ADGRL2: variants seen among roughly 807,000 people sequenced by gnomAD.
ADGRL2 encodes calcium-independent alpha-latrotoxin receptor 2.
ADGRL2 carries 44 observed loss-of-function variants against 157.4 expected under a neutral mutation model. The observed-to-expected ratio is 0.28, with a 90% confidence interval of 0.22 to 0.36. ADGRL2 has a LOEUF of 0.36. ADGRL2 is among the 10% of genes least tolerant of loss of function. The pLI, the probability that ADGRL2 is intolerant of heterozygous loss-of-function variation, is 1.00. For synonymous variants in ADGRL2, 585 were observed against 624.7 expected, an observed-to-expected ratio of 0.94 and a Z score of 0.95; for missense variants, 1,510 against 1,768.9, an observed-to-expected ratio of 0.85 and a Z score of 2.63.
rs376301774 is a variant in ADGRL2, at chr1:81,326,853, C to G, written c.-302+20344C>G. ...AGAAATAATCAGATATGTTTTAAAT[C>G]AGCTAGGAGATAAACTGATCGATTT... On this transcript the variant is annotated intron_variant, in intron 1 of 24. Transcript: ENST00000370721. 1.6e-4 allele frequency among the ~76,000 whole-genome samples: 25 copies of G among 152,302 alleles called. No individual in the cohort carries two copies. The South Asian group carries it at 5.0e-3, about 30-fold the overall frequency.
chr1:81,824,278 A>C (rs2091265885), intron 1 of ADGRL2, among the ~76,000 whole-genome samples: 1 of 152,154 alleles, frequency 6.6e-6, no homozygotes, highest in South Asian at 2.1e-4. Context: ...CATTTTATTT[A>C]TTCATTTATT....
At chr1:81,327,441 C>A (rs898646183) in intron 1 of ADGRL2, among the ~76,000 whole-genome samples, 1 of 152,128 alleles carries the variant, frequency 6.6e-6, no homozygotes, top group African/African-American at 2.4e-5. Flanking sequence ...GCAGTCTGTG[C>A]CAGAAACTGA....
chr1:81,379,041 A>G (rs1348229181), intron 1 of ADGRL2, among the ~76,000 whole-genome samples: 4 of 152,168 alleles, frequency 2.6e-5, no homozygotes, highest in Non-Finnish European at 4.4e-5. Flanking sequence ...AAGGAAATCT[A>G]TCATGTTTGC....
rs1252975673 is a variant in ADGRL2, at chr1:81,723,821, AAGG to A, written c.-143+24014_-143+24016del. 6.3e-3 allele frequency among the ~76,000 whole-genome samples: 949 copies of A among 150,858 alleles called. 8 individuals are homozygous for A. Among genetic ancestry groups the A allele is most frequent in the African/African-American group, 0.022 (901 of 41,270 alleles). The stretch of plus-strand genomic sequence containing the variant: ...TGCCCTTAAATCTCACCCTGTGGTG[AAGG>A]GATTTTTTTTTGTAATGCTGCAGTA... On this transcript the variant is annotated intron_variant, in intron 1 of 20. Transcript: ENST00000359929.
At chr1:81,580,318 T>C (rs2080881462) in intron 2 of ADGRL2, among the ~76,000 whole-genome samples, 1 of 152,040 alleles carries the variant, frequency 6.6e-6, no homozygotes, top group African/African-American at 2.4e-5. Flanking sequence ...CTGATTTACA[T>C]TGTATTGATA....
chr1:81,520,307 A>C lies in ADGRL2; in HGVS notation c.-247-60569A>C, dbSNP rs1008330679. Among the ~76,000 whole-genome samples the C allele has an allele frequency of 4.6e-5, 7 of 152,126 alleles. 1 individual carries two copies. Among genetic ancestry groups the C allele is most frequent in the Admixed American group, 4.6e-4 (7 of 15,272 alleles). On this transcript the variant is annotated intron_variant, in intron 2 of 24. Transcript: ENST00000370721. ...TACTCATCTACTGTTTAGTACTAAA[A>C]CCAATTATATTAGGTAGGATTTGAT...
chr1:81,917,699 A>T (rs1334978177), intron 3 of ADGRL2, among the ~76,000 whole-genome samples: 2 of 152,190 alleles, frequency 1.3e-5, no homozygotes, highest in African/African-American at 4.8e-5. Context: ...GCTTTAAGAA[A>T]GTGTCTGAAA....
In ADGRL2 at chr1:81,853,670, GAA is replaced by G. The variant is rs1242358166; in HGVS notation, c.73+16615_73+16616del. Among the ~76,000 whole-genome samples the G allele has an allele frequency of 2.0e-5, 3 of 152,178 alleles. No individual in the cohort carries two copies. In the East Asian group the frequency reaches 5.8e-4, roughly 29 times the overall value. ...TGAAAGCAAATAAAGTATTAATAAA[GAA>G]ATATTAAAGATGATTTTTTTGTTTC... On this transcript the variant is annotated intron_variant, in intron 2 of 23. Coordinates refer to ENST00000686636, the MANE Select transcript of ADGRL2 (RefSeq NM_001366006.2).
intron 1 of ADGRL2, among the ~76,000 whole-genome samples, chr1:81,394,193 ATTT>A (rs1248879932): frequency 6.6e-6 from 1 of 152,114 alleles, no homozygotes; most frequent in Non-Finnish European, 1.5e-5. Flanking sequence ...ATGTGTTATT[ATTT>A]ATTATAGATT....
intron 3 of ADGRL2, among the ~76,000 whole-genome samples, chr1:81,915,668 A>T (rs1313743535): frequency 6.6e-6 from 1 of 152,184 alleles, no homozygotes; most frequent in Non-Finnish European, 1.5e-5. Context: ...TATAGGCTGG[A>T]TAAGGGTAAG....
chr1:81,562,010 T>C (rs1290555724), intron 2 of ADGRL2, among the ~76,000 whole-genome samples: 1 of 152,172 alleles, frequency 6.6e-6, no homozygotes, highest in Admixed American at 6.6e-5. Context: ...AATCTTTCTT[T>C]AAAAAGCTAA....
At chr1:81,476,989 T>C (rs887730200) in intron 2 of ADGRL2, among the ~76,000 whole-genome samples, 19 of 152,196 alleles carry the variant, frequency 1.2e-4, no homozygotes, top group African/African-American at 4.3e-4. Context: ...TGTGGAAATA[T>C]CCATGGATGT....
At chr1:81,725,668 T>C (rs1198263676) in intron 1 of ADGRL2, among the ~76,000 whole-genome samples, 1 of 152,244 alleles carries the variant, frequency 6.6e-6, no homozygotes, top group East Asian at 1.9e-4. Context: ...TCTTCTGGAT[T>C]CCTTATCTGA....
chr1:81,328,492 T>A (rs1259564301), intron 1 of ADGRL2, among the ~76,000 whole-genome samples: 1 of 152,074 alleles, frequency 6.6e-6, no homozygotes, highest in Non-Finnish European at 1.5e-5. Flanking sequence ...GTTAGAAGCT[T>A]ATTGATTAGG....
intron 2 of ADGRL2, among the ~76,000 whole-genome samples, chr1:81,561,102 A>G (rs574636985): frequency 6.6e-6 from 1 of 151,990 alleles, no homozygotes; most frequent in East Asian, 1.9e-4. Context: ...CTCTAACACC[A>G]TTACCCTTCC....
chr1:81,584,160 G>T (rs1220637392), intron 3 of ADGRL2, among the ~76,000 whole-genome samples: 4 of 151,988 alleles, frequency 2.6e-5, no homozygotes, highest in Admixed American at 2.6e-4. Context: ...TGACAAACAG[G>T]GCCTAATAAA....
chr1:81,372,670 G>A (rs1355595945), intron 1 of ADGRL2, among the ~76,000 whole-genome samples: 1 of 152,098 alleles, frequency 6.6e-6, no homozygotes, highest in East Asian at 1.9e-4. Context: ...CGAATTTTCT[G>A]TTTGTTTAAT....
At chr1:81,869,333 T>C (rs1571805025) in intron 2 of ADGRL2, among the ~76,000 whole-genome samples, 1 of 152,242 alleles carries the variant, frequency 6.6e-6, no homozygotes, top group South Asian at 2.1e-4. Flanking sequence ...AAAGTTCTGA[T>C]TTTAAAAAAC....
intron 2 of ADGRL2, among the ~76,000 whole-genome samples, chr1:81,477,673 C>T (rs1405272736): frequency 6.6e-6 from 1 of 152,190 alleles, no homozygotes; most frequent in Non-Finnish European, 1.5e-5. Flanking sequence ...AAAACAGATG[C>T]ATGCAGCCAT....
Sources: gnomAD v4.1 joint callset for allele counts (sites outside exome capture counted in the v4.1 genomes callset) on GRCh38, gnomAD v4.1.1 for gene constraint, MANE v1.5 for transcripts, NCBI Gene and HGNC (gene_info 2026-07-23, HGNC 2026-07-21) for gene names.